The following LRRC4C variants were observed in gnomAD, a reference collection of about 807,000 sequenced individuals.
LRRC4C encodes leucine-rich repeat-containing protein 4C.
Under a neutral mutation model 33.6 loss-of-function variants are expected in LRRC4C, and 5 were observed. The observed-to-expected ratio is 0.15, with a 90% CI of 0.08 to 0.31. The LOEUF (loss-of-function observed/expected upper bound fraction) is 0.31. Among genes scored for constraint, LRRC4C ranks in the 10% least tolerant of loss-of-function variants. The pLI is 1.00. For missense variants in LRRC4C, 560 were observed against 796.7 expected, an observed-to-expected ratio of 0.70 and a Z score of 3.58; for synonymous variants, 329 against 302.0, an observed-to-expected ratio of 1.09 and a Z score of -0.93.
At chr11:40,422,502 T>C (rs1044789526) in intron 3 of LRRC4C, among the ~76,000 whole-genome samples, 1 of 152,196 alleles carries the variant, frequency 6.6e-6, no homozygotes, top group African/African-American at 2.4e-5. Flanking sequence ...ATGTTCAACG[T>C]TGATTTCTTA....
chr11:40,293,001 C>G (rs1039461294), intron 4 of LRRC4C: 3 of 152,104 alleles, frequency 2.0e-5, no homozygotes, highest in African/African-American at 4.8e-5. Context: ...ACTTCCCCCC[C>G]ACTCTCCATC....
intron 1 of LRRC4C, among the ~76,000 whole-genome samples, chr11:41,240,285 A>G (rs957748170): frequency 1.3e-5 from 2 of 152,186 alleles, no homozygotes; most frequent in Non-Finnish European, 2.9e-5. Flanking sequence ...ACCGCATCTA[A>G]TTCTTGATGC....
intron 1 of LRRC4C, among the ~76,000 whole-genome samples, chr11:41,225,301 T>A (rs910958915): frequency 1.3e-5 from 2 of 152,130 alleles, no homozygotes; most frequent in Admixed American, 6.6e-5. Flanking sequence ...AGTTACAAAC[T>A]GGATTGTTTG....
At chr11:40,336,934 A>G (rs542382401) in intron 3 of LRRC4C, among the ~76,000 whole-genome samples, 97 of 131,214 alleles carry the variant, frequency 7.4e-4, no homozygotes, top group Non-Finnish European at 1.0e-3. Flanking sequence ...CCGAGATTGC[A>G]CCACTGCACT....
chr11:40,401,695 C>T (rs907414289), intron 3 of LRRC4C, among the ~76,000 whole-genome samples: 1 of 152,072 alleles, frequency 6.6e-6, no homozygotes, highest in African/African-American at 2.4e-5. Context: ...CCCTCTACAG[C>T]CCACTGCATG....
intron 2 of LRRC4C, among the ~76,000 whole-genome samples, chr11:40,716,056 A>C (rs966521820): frequency 7.2e-5 from 11 of 152,060 alleles, no homozygotes; most frequent in African/African-American, 2.7e-4. Context: ...AAACAAAAAA[A>C]AAACAAAACC....
intron 1 of LRRC4C, among the ~76,000 whole-genome samples, chr11:41,037,104 C>T (rs559089601): frequency 1.3e-4 from 20 of 152,152 alleles, no homozygotes; most frequent in Non-Finnish European, 2.5e-4. Flanking sequence ...CTTTTCCTTA[C>T]GCAGGCTGGG....
At chr11:40,890,241 T>C (rs528579794) in intron 2 of LRRC4C, among the ~76,000 whole-genome samples, 16 of 152,270 alleles carry the variant, frequency 1.1e-4, no homozygotes, top group African/African-American at 3.9e-4. Flanking sequence ...AAAAGAAATA[T>C]ATTTCTCACA....
At chr11:40,243,970 G>C (rs1409518037) in intron 4 of LRRC4C, among the ~76,000 whole-genome samples, 1 of 151,582 alleles carries the variant, frequency 6.6e-6, no homozygotes, top group Admixed American at 6.6e-5. Flanking sequence ...AAAGTGCTAG[G>C]ATTACAGGCA....
intron 2 of LRRC4C, among the ~76,000 whole-genome samples, chr11:40,854,369 G>T (rs1044744874): frequency 6.6e-6 from 1 of 152,178 alleles, no homozygotes; most frequent in African/African-American, 2.4e-5. Flanking sequence ...CAGAAGTGTA[G>T]ATGAGAGCTT....
At chr11:41,326,952 A>ATGTG (rs1951140038) in intron 1 of LRRC4C, among the ~76,000 whole-genome samples, 1 of 152,186 alleles carries the variant, frequency 6.6e-6, no homozygotes, top group South Asian at 2.1e-4. Flanking sequence ...ATTCTTGTAG[A>ATGTG]TTACACTGTC....
At chr11:40,895,765 T>A (rs566073412) in intron 2 of LRRC4C, among the ~76,000 whole-genome samples, 1 of 152,336 alleles carries the variant, frequency 6.6e-6, no homozygotes, top group African/African-American at 2.4e-5. Context: ...ATTGCCTTTA[T>A]AACTTAAAAA....
chr11:40,638,092 C>A (rs966914978), intron 3 of LRRC4C, among the ~76,000 whole-genome samples: 3 of 152,202 alleles, frequency 2.0e-5, no homozygotes, highest in African/African-American at 7.2e-5. Context: ...AATTGCAATG[C>A]ACTCCCATGC....
At position 40,273,140 on chromosome 11, in the gene LRRC4C, T is replaced by C. The variant is rs566490274; in HGVS notation, c.-175-31542A>G. Among the ~76,000 whole-genome samples the C allele has an allele frequency of 7.9e-5, 12 of 152,314 alleles. No homozygotes were observed. In the South Asian group the frequency reaches 2.5e-3, roughly 32 times the overall value. ...ATGTTCACTATTTCATTTATTTTCT[T>C]TCAATATTGATTTAATACGCAGTAT... is the stretch of plus-strand genomic sequence containing the variant. On this transcript the variant is annotated intron_variant, in intron 4 of 6. Coordinates refer to ENST00000528697, the MANE Select transcript of LRRC4C (RefSeq NM_001258419.2).
intron 1 of LRRC4C, among the ~76,000 whole-genome samples, chr11:41,229,167 A>ATGAC (rs1947673299): frequency 6.6e-6 from 1 of 152,044 alleles, no homozygotes; most frequent in South Asian, 2.1e-4. Context: ...AACCTCTTAG[A>ATGAC]TGACTGTATT....
At chr11:41,245,455 C>A (rs566633935) in intron 1 of LRRC4C, among the ~76,000 whole-genome samples, 2 of 152,316 alleles carry the variant, frequency 1.3e-5, no homozygotes, top group East Asian at 3.9e-4. Context: ...GGCACCAGCA[C>A]GGGTACTGGC....
chr11:40,319,993 T>A (rs937621326), intron 3 of LRRC4C, among the ~76,000 whole-genome samples: 18 of 152,104 alleles, frequency 1.2e-4, no homozygotes, highest in East Asian at 1.9e-4. Context: ...GTTTACCAAC[T>A]CTAGATTTAT....
At chr11:40,731,516 C>A (rs1424908410) in intron 2 of LRRC4C, among the ~76,000 whole-genome samples, 1 of 152,114 alleles carries the variant, frequency 6.6e-6, no homozygotes, top group Non-Finnish European at 1.5e-5. Flanking sequence ...AATTAAATTT[C>A]TTTTCTTTAT....
chr11:40,303,923 A>T (rs906742871), intron 4 of LRRC4C, among the ~76,000 whole-genome samples: 4 of 152,208 alleles, frequency 2.6e-5, no homozygotes, highest in African/African-American at 9.6e-5. Context: ...TTCATAAACC[A>T]ATTGTCTTAA....
Sources: allele counts gnomAD v4.1 joint callset (sites outside exome capture counted in the v4.1 genomes callset), GRCh38; gene constraint gnomAD v4.1.1; transcripts MANE v1.5; gene names NCBI Gene and HGNC (gene_info 2026-07-23, HGNC 2026-07-21).